The following FAM186A variants were observed in gnomAD, a reference collection of about 807,000 sequenced individuals.
FAM186A encodes the protein protein FAM186A.
In FAM186A, 163 loss-of-function variants were observed where a neutral mutation model predicts 216.8. The ratio of observed to expected loss-of-function variants is 0.75; its 90% CI spans 0.66 to 0.86. The LOEUF (loss-of-function observed/expected upper bound fraction) is 0.86. Ranked by LOEUF, FAM186A falls within the 40% of genes least tolerant of loss-of-function variation. The probability of loss-of-function intolerance (pLI) is 0.00; values close to 1 mark genes in which losing one functional copy is unlikely to be tolerated. For missense variants in FAM186A, 2,184 were observed against 2,746.2 expected (o/e 0.80, Z 4.58); for synonymous variants, 805 against 1,025.3 (o/e 0.79, Z 4.10).
intron 1 of FAM186A, among the ~76,000 whole-genome samples, chr12:50,365,123 G>T (rs1027063395): frequency 6.7e-6 from 1 of 149,958 alleles, no homozygotes; most frequent in African/African-American, 2.5e-5. Context: ...CAAATACTAC[G>T]TAAATCAATA....
chr12:50,336,138 A>AG (rs397817678), intron 4 of FAM186A, among the ~76,000 whole-genome samples: 2 of 150,602 alleles, frequency 1.3e-5, no homozygotes, highest in East Asian at 1.9e-4. Flanking sequence ...AAAAAAAAAA[A>AG]GAGTAATAAA....
intron 1 of FAM186A, among the ~76,000 whole-genome samples, chr12:50,386,649 C>T (rs1393295864): frequency 6.6e-6 from 1 of 152,074 alleles, no homozygotes; most frequent in East Asian, 1.9e-4. Flanking sequence ...CACTTAACGT[C>T]AGGAGTTCAA....
chr12:50,392,256 G>GTTGC (rs543400600), intron 1 of FAM186A: 1 of 167,982 alleles, frequency 6.0e-6, no homozygotes, highest in Non-Finnish European at 1.2e-5. Context: ...TCACAGGTTT[G>GTTGC]TTGTTTGTTT....
In FAM186A at chr12:50,351,445, C is replaced by G. The variant is rs757634083; in HGVS notation, c.5387G>C (p.Arg1796Pro). The change falls in exon 4 of 8, where the codon CGT becomes CCT. Residue 1796 changes from arginine (R) to proline (P), a missense_variant. Arg to Pro is a moderately radical substitution (Grantham distance 103). This residue lies in a region of FAM186A where 721 missense variants were observed against 816.4 expected (regional missense o/e 0.88). Coordinates refer to ENST00000327337, the MANE Select transcript of FAM186A (RefSeq NM_001145475.3). ...PGKLGAPQTLRSSGQTLVYGG... is the reference protein window; with the variant it reads ...PGKLGAPQTLPSSGQTLVYGG... The stretch of plus-strand genomic sequence containing the variant: ...GTATACCAGGGTCTGTCCAGAGGAA[C>G]GAAGAGTCTGTGGTGCCCCAAGCTT... 8.4e-5 allele frequency: 124 copies of G among 1,470,466 alleles called. No individual in the cohort carries two copies. The Admixed American group carries it at 1.6e-3, about 18-fold the overall frequency. The allele number at this position is 1,470,466 out of a possible 1,614,324, so 91.1% of individuals were successfully genotyped here. A position where few individuals can be genotyped will look rare whatever the true frequency, so the allele number is the denominator to read the frequency against.
At position 50,377,694 on chromosome 12, in the gene FAM186A, G is replaced by A. The variant is rs577846541; in HGVS notation, c.193-14330C>T. Among the ~76,000 whole-genome samples, 148 of 151,812 alleles carry A rather than the reference G, an allele frequency of 9.7e-4. 2 individuals carry two copies. In the South Asian group the frequency reaches 0.027, roughly 28 times the overall value. The stretch of plus-strand genomic sequence containing the variant: ...CTAAAAATACAAAAATTAGCCGGGC[G>A]TGGTGGCTGGCACCTATAATCCCAG... On this transcript the variant is annotated intron_variant, in intron 1 of 7. Transcript: ENST00000327337.
chr12:50,375,137 C>T (rs1169158669), intron 1 of FAM186A, among the ~76,000 whole-genome samples: 2 of 152,140 alleles, frequency 1.3e-5, no homozygotes, highest in East Asian at 3.9e-4. Flanking sequence ...AAGATCGCTT[C>T]TCTGCACTCC....
At chr12:50,366,434 A>G (rs1257397426) in intron 1 of FAM186A, among the ~76,000 whole-genome samples, 1 of 152,170 alleles carries the variant, frequency 6.6e-6, no homozygotes, top group Non-Finnish European at 1.5e-5. Context: ...GCACTACAAA[A>G]TAAGAAAACT....
intron 4 of FAM186A, among the ~76,000 whole-genome samples, chr12:50,339,224 C>T (rs2138762954): frequency 6.6e-6 from 1 of 152,204 alleles, no homozygotes; most frequent in East Asian, 1.9e-4. Flanking sequence ...ACTATGTTGC[C>T]CAGGCTGGTC....
intron 3 of FAM186A, 31 bp downstream of exon 3, chr12:50,360,725 C>T (rs764102006): frequency 2.6e-5 from 39 of 1,479,504 alleles, no homozygotes; most frequent in Non-Finnish European, 1.9e-5. Flanking sequence ...ACTCCATCTA[C>T]TCCAACTCCA....
intron 4 of FAM186A, among the ~76,000 whole-genome samples, chr12:50,334,706 G>GA (rs1295917602): frequency 6.6e-6 from 1 of 151,988 alleles, no homozygotes; most frequent in Non-Finnish European, 1.5e-5. Flanking sequence ...TTGAACTCTT[G>GA]ACCTCAAGCG....
intron 3 of FAM186A, among the ~76,000 whole-genome samples, chr12:50,357,032 ACATACATACATACAT>A (rs1942984949): frequency 6.6e-6 from 1 of 151,540 alleles, no homozygotes; most frequent in African/African-American, 2.4e-5. Context: ...ATACATACAT[ACATACATACATACAT>A]ACATAAAATA....
chr12:50,357,377 C>T (rs1279507384), intron 3 of FAM186A, among the ~76,000 whole-genome samples: 1 of 151,894 alleles, frequency 6.6e-6, no homozygotes, highest in African/African-American at 2.4e-5. Context: ...TGGCGCATGC[C>T]TGTAGTCCCA....
At chr12:50,391,862 T>A (rs1447809384) in intron 1 of FAM186A, among the ~76,000 whole-genome samples, 1 of 152,142 alleles carries the variant, frequency 6.6e-6, no homozygotes, top group Non-Finnish European at 1.5e-5. Flanking sequence ...AAAGCATATA[T>A]CTGTATAATG....
intron 1 of FAM186A, among the ~76,000 whole-genome samples, chr12:50,391,477 G>A (rs556828110): frequency 2.7e-5 from 4 of 150,710 alleles, no homozygotes; most frequent in African/African-American, 4.9e-5. Flanking sequence ...CACCATGCCC[G>A]GCTAATTTTT....
intron 2 of FAM186A, 139 bp from the exon 3 acceptor site, chr12:50,361,065 G>T: frequency 1.8e-6 from 1 of 562,178 alleles, no homozygotes; most frequent in Non-Finnish European, 2.8e-6. Context: ...CCATTCTGAG[G>T]CTTTTCTCTA....
intron 4 of FAM186A, among the ~76,000 whole-genome samples, chr12:50,339,769 C>CACACACAA (rs1942744706): frequency 6.6e-6 from 1 of 151,298 alleles, no homozygotes. Flanking sequence ...CACACACACA[C>CACACACAA]ACACACACAC....
At chr12:50,341,641 C>A (rs1309031804) in intron 4 of FAM186A, among the ~76,000 whole-genome samples, 1 of 152,096 alleles carries the variant, frequency 6.6e-6, no homozygotes, top group Non-Finnish European at 1.5e-5. Flanking sequence ...TCGAGACCAA[C>A]CTGGCCAACA....
chr12:50,357,407 C>G (rs1047512575), intron 3 of FAM186A, among the ~76,000 whole-genome samples: 1 of 149,744 alleles, frequency 6.7e-6, no homozygotes, highest in Non-Finnish European at 1.5e-5. Flanking sequence ...GAGGCTGAGG[C>G]AGGAGAACCA....
At chr12:50,348,038 ATTTTTT>A (rs71083540) in intron 4 of FAM186A, among the ~76,000 whole-genome samples, 1 of 81,340 alleles carries the variant, frequency 1.2e-5, no homozygotes, top group Non-Finnish European at 2.2e-5. Flanking sequence ...ATGCCTGGTA[ATTTTTT>A]TTTTTTTTTT....
Sources: allele counts gnomAD v4.1 joint callset (sites outside exome capture counted in the v4.1 genomes callset), GRCh38; gene constraint gnomAD v4.1.1; regional missense constraint gnomAD v4.1.1; transcripts MANE v1.5; gene names NCBI Gene and HGNC (gene_info 2026-07-23, HGNC 2026-07-21).